Variants in CFAP44 observed in about 807,000 individuals in gnomAD.
CFAP44 encodes cilia and flagella associated protein 44, also known as cilia- and flagella-associated protein 44.
CFAP44 carries 134 observed loss-of-function variants against 216.2 expected under a neutral mutation model. That is an observed-to-expected ratio of 0.62 (90% CI 0.54 to 0.72). The LOEUF is 0.72. Among genes scored for constraint, CFAP44 ranks in the 30% least tolerant of loss-of-function variants. The pLI, the probability that CFAP44 is intolerant of heterozygous loss-of-function variation, is 0.00. For synonymous variants in CFAP44, 700 were observed against 727.6 expected (o/e 0.96, Z 0.61); for missense variants, 2,035 against 2,182.1 (o/e 0.93, Z 1.34).
chr3:113,425,423 G>A (rs1047930436), intron 4 of CFAP44, among the ~76,000 whole-genome samples: 6 of 152,150 alleles, frequency 3.9e-5, no homozygotes, highest in Admixed American at 6.5e-5. Flanking sequence ...ATGTGATGAC[G>A]AACACAAAAT....
At chr3:113,408,823 A>G (rs1934365096) in intron 7 of CFAP44, among the ~76,000 whole-genome samples, 1 of 146,522 alleles carries the variant, frequency 6.8e-6, no homozygotes, top group Non-Finnish European at 1.5e-5. Context: ...AGATCATGCC[A>G]TTGCACTCCA....
In CFAP44 at chr3:113,362,745, G is replaced by A. The variant is rs534692748; in HGVS notation, c.2934+400C>T. 2.6e-5 allele frequency: 9 copies of A among 346,936 alleles called. 1 individual carries two copies. The South Asian group carries it at 5.1e-4, about 20-fold the overall frequency. The allele number at this position is 346,936 out of a possible 1,614,324, so 21.5% of individuals were successfully genotyped here. ...TCTGCTTGCAGCAAAAGATCAAATC[G>A]GGATGACGTTTAGCCATAGTTCCCA... On this transcript the variant is annotated intron_variant, in intron 21 of 34. Coordinates refer to ENST00000393845, the MANE Select transcript of CFAP44 (RefSeq NM_001164496.2).
At chr3:113,432,838 T>A (rs1192965762) in intron 2 of CFAP44, among the ~76,000 whole-genome samples, 1 of 152,218 alleles carries the variant, frequency 6.6e-6, no homozygotes, top group Non-Finnish European at 1.5e-5. Flanking sequence ...TCCTGATAAA[T>A]ATTCCCACAT....
intron 6 of CFAP44, 21 bp from the exon 7 acceptor site, chr3:113,409,343 C>T (rs1258034664): frequency 6.3e-7 from 1 of 1,597,540 alleles, no homozygotes; most frequent in South Asian, 1.1e-5. Context: ...AAATGGAAGC[C>T]TAATAAATAA....
chr3:113,329,442 A>G (rs1950221635), intron 26 of CFAP44, among the ~76,000 whole-genome samples: 1 of 152,214 alleles, frequency 6.6e-6, no homozygotes, highest in Non-Finnish European at 1.5e-5. Flanking sequence ...AGAGGCAAGA[A>G]CAGTGAGAAA....
chr3:113,315,921 T>C (rs60131925), intron 28 of CFAP44, among the ~76,000 whole-genome samples: 19,265 of 152,258 alleles, frequency 0.13, 1,258 homozygotes, highest in Non-Finnish European at 0.15. Context: ...AAATGCATGT[T>C]TGACTTGTGA....
intron 15 of CFAP44, among the ~76,000 whole-genome samples, chr3:113,382,704 T>C (rs768560129): frequency 2.6e-5 from 4 of 152,148 alleles, no homozygotes; most frequent in Non-Finnish European, 5.9e-5. Flanking sequence ...GAATTGGCCT[T>C]AAGTAGGAAG....
intron 28 of CFAP44, among the ~76,000 whole-genome samples, chr3:113,315,230 T>C (rs989659475): frequency 6.6e-6 from 1 of 151,964 alleles, no homozygotes; most frequent in Non-Finnish European, 1.5e-5. Flanking sequence ...AGTAAATAGA[T>C]GGAAAAAGAA....
intron 28 of CFAP44, among the ~76,000 whole-genome samples, chr3:113,313,270 T>C (rs1209747065): frequency 1.3e-5 from 2 of 152,128 alleles, no homozygotes; most frequent in African/African-American, 4.8e-5. Context: ...GATTTCAGAC[T>C]TGCATGGGCC....
At chr3:113,424,163 C>T (rs180973192) in intron 4 of CFAP44, among the ~76,000 whole-genome samples, 4 of 152,274 alleles carry the variant, frequency 2.6e-5, no homozygotes, top group East Asian at 1.9e-4. Flanking sequence ...GAGGGCTAGG[C>T]GCGGTGGCTC....
chr3:113,353,494 ACAC>A (rs1369445630), intron 22 of CFAP44, among the ~76,000 whole-genome samples: 1 of 149,204 alleles, frequency 6.7e-6, no homozygotes, highest in Admixed American at 6.7e-5. Context: ...ACACACACAC[ACAC>A]AAAACTTATA....
chr3:113,374,190 A>T (rs1380548846), intron 17 of CFAP44, among the ~76,000 whole-genome samples: 1 of 152,084 alleles, frequency 6.6e-6, no homozygotes, highest in Non-Finnish European at 1.5e-5. Flanking sequence ...TGACAACAGC[A>T]GACTAGATTG....
chr3:113,297,888 C>A (rs1271440158), intron 32 of CFAP44, among the ~76,000 whole-genome samples: 2 of 152,230 alleles, frequency 1.3e-5, no homozygotes, highest in Admixed American at 6.5e-5. Flanking sequence ...ATAATTGTTA[C>A]AATTTACATT....
At chr3:113,429,247 A>C (rs1320031741) in intron 2 of CFAP44, among the ~76,000 whole-genome samples, 3 of 152,124 alleles carry the variant, frequency 2.0e-5, no homozygotes, top group Non-Finnish European at 4.4e-5. Context: ...GGAATTACTT[A>C]GTTTTTCTTT....
At chr3:113,387,219 G>C (rs1933674138) in intron 15 of CFAP44, among the ~76,000 whole-genome samples, 1 of 152,208 alleles carries the variant, frequency 6.6e-6, no homozygotes, top group South Asian at 2.1e-4. Context: ...GTGGCCAAGA[G>C]AGTGTCTGTG....
At chr3:113,330,752 T>C (rs1950234861) in intron 25 of CFAP44, 84 bp from the exon 26 acceptor site, 8 of 1,419,022 alleles carry the variant, frequency 5.6e-6, no homozygotes, top group South Asian at 3.2e-5. Flanking sequence ...TTTCTGTTGC[T>C]GAAAGGCCTA....
At chr3:113,420,846 T>C (rs1038626410) in intron 4 of CFAP44, among the ~76,000 whole-genome samples, 7 of 152,240 alleles carry the variant, frequency 4.6e-5, no homozygotes, top group Non-Finnish European at 1.0e-4. Context: ...ATTTATAGCA[T>C]ATAAATATAT....
At chr3:113,344,049 C>A (rs376099759) in intron 23 of CFAP44, among the ~76,000 whole-genome samples, 2 of 152,168 alleles carry the variant, frequency 1.3e-5, no homozygotes, top group African/African-American at 4.8e-5. Context: ...ATTCTCTGAT[C>A]ATTCTATTTA....
chr3:113,409,166 T>C lies in CFAP44; in HGVS notation c.830A>G (p.Lys277Arg), dbSNP rs1934381210. 1 of 1,614,024 alleles carries C rather than the reference T, an allele frequency of 6.2e-7. No homozygotes were observed. The highest frequency in any genetic ancestry group is 1.7e-5 in the Admixed American group (1 of 59,994). Residue 277 changes from lysine to arginine, a missense_variant, in exon 7 of 35, where the codon AAG becomes AGG. By Grantham distance (26) the Lys-to-Arg change is conservative (BLOSUM62 2). This residue lies in a region of CFAP44 where 1,883 missense variants were observed against 2,023.7 expected (regional missense o/e 0.93). Transcript: ENST00000393845. ...RTKAFSQEVF[K>R]VTFNPDKEEQ... ...TTCCTTATCAGGATTGAAAGTAACC[T>C]TAAAAACTTCCTGAGAAAAAGCTTT... is the stretch of plus-strand genomic sequence containing the variant.
Sources: gnomAD v4.1 joint callset for allele counts (sites outside exome capture counted in the v4.1 genomes callset) on GRCh38, gnomAD v4.1.1 for gene constraint, gnomAD v4.1.1 regional missense constraint, MANE v1.5 for transcripts, NCBI Gene and HGNC (gene_info 2026-07-23, HGNC 2026-07-21) for gene names.